Variants in MBD5 observed in about 807,000 individuals in gnomAD.
MBD5 encodes the protein methyl-CpG-binding domain protein 5.
In MBD5, 13 loss-of-function variants were observed where a neutral mutation model predicts 117.3. That is an observed-to-expected ratio of 0.11 (90% CI 0.07 to 0.18). MBD5 has a LOEUF of 0.18. MBD5 is among the 10% of genes least tolerant of loss of function. The pLI is 1.00. For missense variants in MBD5, 1,879 were observed against 2,093.8 expected (o/e 0.90, Z 2.00); for synonymous variants, 727 against 766.4 (o/e 0.95, Z 0.85).
At chr2:148,109,524 A>G (rs909701432) in intron 1 of MBD5, among the ~76,000 whole-genome samples, 4 of 152,208 alleles carry the variant, frequency 2.6e-5, no homozygotes, top group Non-Finnish European at 2.9e-5. Context: ...AAGAAAGTGC[A>G]TGATAATTTG....
chr2:148,176,073 A>C (rs1698377136), intron 1 of MBD5, among the ~76,000 whole-genome samples: 1 of 152,164 alleles, frequency 6.6e-6, no homozygotes, highest in Non-Finnish European at 1.5e-5. Flanking sequence ...TTCTTATTAA[A>C]AAAGATAAAC....
intron 3 of MBD5, among the ~76,000 whole-genome samples, chr2:148,277,089 T>C (rs532617615): frequency 6.6e-6 from 1 of 152,278 alleles, no homozygotes; most frequent in East Asian, 1.9e-4. Context: ...ACAGTATTTA[T>C]AGAGTGTTAT....
chr2:148,217,874 T>C (rs1304908630), intron 2 of MBD5, among the ~76,000 whole-genome samples: 2 of 152,140 alleles, frequency 1.3e-5, no homozygotes, highest in African/African-American at 4.8e-5. Context: ...ATTACCCTTC[T>C]TTTCAAGGGC....
intron 1 of MBD5, among the ~76,000 whole-genome samples, chr2:148,099,549 G>A (rs1197933686): frequency 6.6e-6 from 1 of 152,070 alleles, no homozygotes; most frequent in Non-Finnish European, 1.5e-5. Context: ...TTATCATGAG[G>A]TTCTACAGAC....
At chr2:148,342,530 T>C in intron 4 of MBD5, among the ~76,000 whole-genome samples, 194 bp downstream of exon 4, 1 of 151,962 alleles carries the variant, frequency 6.6e-6, no homozygotes, top group South Asian at 2.1e-4. Context: ...TTTACTATTT[T>C]TTAAAAAAAA....
rs1353176062 is a variant in MBD5 at position 148,469,535 on chromosome 2, A to T, written c.1592A>T (p.Asn531Ile). 6.2e-7 allele frequency: 1 copy of T among 1,613,814 alleles called. No individual in the cohort carries two copies. Among genetic ancestry groups the T allele is most frequent in the Non-Finnish European group, 8.5e-7 (1 of 1,179,922 alleles). ...AACCCATTAATTGCTGGAATAAGTA[A>T]TGTACTAAATACCCCAAGCAGTGCA... The part of the protein sequence containing the change: ...IPNPLIAGIS[N>I]VLNTPSSAAF... Residue 531 changes from asparagine (N) to isoleucine (I), a missense_variant, in exon 8 of 14, where the codon AAT becomes ATT. Coordinates refer to ENST00000642680, the MANE Select transcript of MBD5 (RefSeq NM_001378120.1).
intron 4 of MBD5, among the ~76,000 whole-genome samples, chr2:148,389,249 A>ATAT (rs1364026513): frequency 3.1e-5 from 1 of 32,324 alleles, no homozygotes; most frequent in Non-Finnish European, 5.7e-5. Flanking sequence ...AGGAAAAAAA[A>ATAT]ACATATATAT....
chr2:148,177,303 G>T (rs556031667), intron 1 of MBD5, among the ~76,000 whole-genome samples: 5 of 152,258 alleles, frequency 3.3e-5, no homozygotes, highest in Admixed American at 2.6e-4. Flanking sequence ...TAATCAAGAT[G>T]CCTGTAAAGA....
intron 3 of MBD5, among the ~76,000 whole-genome samples, chr2:148,250,043 T>C (rs1240379075): frequency 2.6e-5 from 4 of 152,196 alleles, no homozygotes; most frequent in African/African-American, 9.6e-5. Flanking sequence ...CTCTCATAAC[T>C]ACCCTCGTAG....
intron 3 of MBD5, among the ~76,000 whole-genome samples, chr2:148,257,710 C>A (rs554094698): frequency 2.0e-5 from 3 of 152,302 alleles, no homozygotes; most frequent in Admixed American, 6.5e-5. Context: ...GGCAACTAGA[C>A]CATGACATAT....
At chr2:148,187,531 A>T (rs1215257253) in intron 2 of MBD5, among the ~76,000 whole-genome samples, 19 of 152,220 alleles carry the variant, frequency 1.2e-4, no homozygotes, top group Non-Finnish European at 2.8e-4. Flanking sequence ...GAAACCAGTG[A>T]TAAAGAGAAA....
At position 148,411,835 on chromosome 2, in the gene MBD5, T is replaced by A. The variant is rs995879606; in HGVS notation, c.-556-46368T>A. Among the ~76,000 whole-genome samples, 2 of 152,252 alleles carry A rather than the reference T, an allele frequency of 1.3e-5. 1 individual carries two copies. The highest frequency in any genetic ancestry group is 4.8e-5 in the African/African-American group (2 of 41,560). ...ATAGTTTCTTTTACTATGCAGAAGC[T>A]CTTTATTTTAATATTGAGTCACATT... is the stretch of plus-strand genomic sequence containing the variant. On this transcript the variant is annotated intron_variant, in intron 4 of 13. Transcript: ENST00000642680.
chr2:148,384,088 A>G (rs901360967), intron 4 of MBD5, among the ~76,000 whole-genome samples: 1 of 152,038 alleles, frequency 6.6e-6, no homozygotes, highest in Non-Finnish European at 1.5e-5. Context: ...CCTATTCAAC[A>G]TAGTGTTGGA....
In MBD5 at chr2:148,470,017, G is replaced by A. The variant is rs983507514; in HGVS notation, c.2074G>A (p.Gly692Ser). The change falls in exon 8 of 14, where the codon GGT (glycine) becomes AGT (serine). Residue 692 changes from glycine (G) to serine (S), a missense_variant. By Grantham distance (56) the Gly-to-Ser change is moderately conservative. Transcript: ENST00000642680. ...KPGPDLLRKQ[G>S]QGSFPISSMS... ...TGGACCTGACTTGCTAAGGAAGCAG[G>A]GTCAGGGTTCATTTCCCATCAGTTC... 10 of 1,613,626 alleles carry A rather than the reference G, an allele frequency of 6.2e-6. No homozygotes were observed. The highest frequency in any genetic ancestry group is 7.6e-6 in the Non-Finnish European group (9 of 1,179,792).
intron 1 of MBD5, among the ~76,000 whole-genome samples, chr2:148,152,290 C>G (rs1335512936): frequency 5.9e-5 from 9 of 152,060 alleles, no homozygotes; most frequent in African/African-American, 2.2e-4. Context: ...TTTGATTGCA[C>G]TGTGGTCTGA....
At chr2:148,297,418 A>G (rs1701680908) in intron 3 of MBD5, among the ~76,000 whole-genome samples, 1 of 152,188 alleles carries the variant, frequency 6.6e-6, no homozygotes, top group African/African-American at 2.4e-5. Context: ...GGATGACAGT[A>G]GCTATGACAG....
intron 1 of MBD5, among the ~76,000 whole-genome samples, chr2:148,130,384 A>G (rs1475871989): frequency 2.0e-5 from 3 of 152,118 alleles, no homozygotes; most frequent in Non-Finnish European, 4.4e-5. Flanking sequence ...GGTACAGCAA[A>G]TGATGAACTA....
chr2:148,511,362 G>T (rs1404183), intron 13 of MBD5, among the ~76,000 whole-genome samples: 1 of 152,114 alleles, frequency 6.6e-6, no homozygotes, highest in East Asian at 1.9e-4. Flanking sequence ...AATGAGTTTG[G>T]CCATCATCTC....
chr2:148,203,568 G>A (rs533022964), intron 2 of MBD5, among the ~76,000 whole-genome samples: 50 of 152,260 alleles, frequency 3.3e-4, no homozygotes, highest in South Asian at 1.2e-3. Flanking sequence ...CAAGAGGTGC[G>A]TGTGCATTAG....
Sources: gnomAD v4.1 joint callset for allele counts (sites outside exome capture counted in the v4.1 genomes callset) on GRCh38, gnomAD v4.1.1 for gene constraint, MANE v1.5 for transcripts, NCBI Gene and HGNC (gene_info 2026-07-23, HGNC 2026-07-21) for gene names.